Variants in ARSK observed in about 807,000 individuals in gnomAD.
ARSK encodes arylsulfatase family member K.
A neutral mutation model predicts 53.2 loss-of-function variants in ARSK; 37 were observed. The ratio of observed to expected loss-of-function variants is 0.70; its 90% confidence interval spans 0.54 to 0.92. The LOEUF (loss-of-function observed/expected upper bound fraction) is 0.92, where lower values mean the gene tolerates loss of function less well. Ranked by LOEUF, ARSK falls within the 40% of genes least tolerant of loss-of-function variation. ARSK has a pLI of 0.00. For synonymous variants in ARSK, 208 were observed against 223.2 expected, an observed-to-expected ratio of 0.93 and a Z score of 0.61; for missense variants, 613 against 643.0, an observed-to-expected ratio of 0.95 and a Z score of 0.51.
chr5:95,576,361 G>C (rs367552482), intron 3 of ARSK, among the ~76,000 whole-genome samples: 1 of 151,502 alleles, frequency 6.6e-6, no homozygotes, highest in Non-Finnish European at 1.5e-5. Context: ...ACTACACCCG[G>C]CTAATTTTTT....
rs758086279 is a variant in ARSK, at chr5:95,591,580, G to C, written c.1051G>C (p.Val351Leu). 4.5e-5 allele frequency: 73 copies of C among 1,614,166 alleles called. 1 individual carries two copies. The South Asian group carries it at 7.5e-4, about 17-fold the overall frequency. Reference sequence around the variant, plus strand: ...ACCAGGAATTAAAGCCGGCCTACAAGTATCAAATGTGGTTTCTCTTGTGGA... The same window carrying C: ...ACCAGGAATTAAAGCCGGCCTACAACTATCAAATGTGGTTTCTCTTGTGGA... The part of the protein sequence containing the change: ...MGPGIKAGLQ[V>L]SNVVSLVDIY... Residue 351 changes from valine (V) to leucine (L), a missense_variant, in exon 6 of 8, where the codon GTA becomes CTA. By Grantham distance (32) the Val-to-Leu change is conservative. Transcript: ENST00000380009.
At chr5:95,575,827 C>T (rs890587033) in intron 3 of ARSK, among the ~76,000 whole-genome samples, 1 of 152,196 alleles carries the variant, frequency 6.6e-6, no homozygotes, top group African/African-American at 2.4e-5. Context: ...TTTACATCAT[C>T]TGCAAACAAG....
intron 3 of ARSK, among the ~76,000 whole-genome samples, chr5:95,581,875 T>G (rs910310361): frequency 2.0e-5 from 3 of 148,956 alleles, no homozygotes; most frequent in African/African-American, 7.8e-5. Context: ...GAAATTATGG[T>G]TTTTTTATTT....
At position 95,594,369 on chromosome 5, in the gene ARSK, C is replaced by T. The variant is rs186763526; in HGVS notation, c.1096+2744C>T. 4.6e-5 allele frequency among the ~76,000 whole-genome samples: 7 copies of T among 152,076 alleles called. No homozygotes were observed. In the East Asian group the frequency reaches 1.2e-3, roughly 25 times the overall value. ...AAATCTGTAAGAAAAAGAGGAATACCTTATTAACAGATGGATCAAAAGAAA... is the reference window on the plus strand; with the variant it reads ...AAATCTGTAAGAAAAAGAGGAATACTTTATTAACAGATGGATCAAAAGAAA... On this transcript the variant is annotated intron_variant, in intron 6 of 7. Transcript: ENST00000380009.
At chr5:95,590,958 AGAAGAGTTCT>A (rs1466876462) in intron 5 of ARSK, among the ~76,000 whole-genome samples, 2 of 152,206 alleles carry the variant, frequency 1.3e-5, no homozygotes, top group Non-Finnish European at 2.9e-5. Flanking sequence ...GTAGCAGAGA[AGAAGAGTTCT>A]GACTGCTCTT....
At position 95,567,976 on chromosome 5, in the gene ARSK, G is replaced by A; in HGVS notation, c.343G>A (p.Val115Ile). 2 of 1,613,620 alleles carry A rather than the reference G, an allele frequency of 1.2e-6. No individual in the cohort carries two copies. The highest frequency in any genetic ancestry group is 1.7e-6 in the Non-Finnish European group (2 of 1,179,850). The change falls in exon 3 of 8, where the codon GTC (valine) becomes ATC (isoleucine). Residue 115 changes from valine (V) to isoleucine (I), a missense_variant. Val to Ile is a conservative substitution (Grantham distance 29). Transcript: ENST00000380009. Reference protein sequence around the residue: ...LDPNYTTWMDVMERHGYRTQK... With the variant: ...LDPNYTTWMDIMERHGYRTQK... ...TCCAAATTATACAACATGGATGGAT[G>A]TCATGGAGAGGCATGGCTACCGAAC...
chr5:95,569,926 C>G (rs1748796946), intron 3 of ARSK, among the ~76,000 whole-genome samples: 2 of 152,216 alleles, frequency 1.3e-5, no homozygotes, highest in African/African-American at 4.8e-5. Flanking sequence ...ATTCTTTACT[C>G]TGTCTTCTAA....
At chr5:95,597,247 A>G (rs923079903) in intron 6 of ARSK, among the ~76,000 whole-genome samples, 1 of 152,200 alleles carries the variant, frequency 6.6e-6, no homozygotes, top group Admixed American at 6.5e-5. Flanking sequence ...TCTCCACTTA[A>G]AAGATAAGTC....
rs557080694 is a variant in ARSK, at chr5:95,555,464, C to T, written c.126+60C>T. On this transcript the variant is annotated intron_variant, in intron 1 of 7. Coordinates refer to ENST00000380009, the MANE Select transcript of ARSK (RefSeq NM_198150.3). The surrounding 1 kb of genome is among the most constrained non-coding windows in gnomAD (Gnocchi z 4.0). ...TGGGGATCGGCGACCTCACCGCCGC[C>T]GCCTGTGCTGCAGGCTTTGGGGAGC... 30 of 1,538,468 alleles carry T rather than the reference C, an allele frequency of 1.9e-5. No homozygotes were observed. In the Admixed American group the frequency reaches 3.3e-4, roughly 17 times the overall value.
At chr5:95,558,040 A>G (rs1748555605) in intron 1 of ARSK, among the ~76,000 whole-genome samples, 1 of 152,180 alleles carries the variant, frequency 6.6e-6, no homozygotes, top group African/African-American at 2.4e-5. Context: ...CCAAGAAGAT[A>G]GGACTACTCC....
intron 6 of ARSK, among the ~76,000 whole-genome samples, chr5:95,595,754 A>G (rs1749298547): frequency 6.6e-6 from 1 of 152,204 alleles, no homozygotes; most frequent in Admixed American, 6.5e-5. Context: ...TGATGCAATC[A>G]TTCCTATCCC....
intron 1 of ARSK, among the ~76,000 whole-genome samples, chr5:95,562,269 T>C (rs1748649729): frequency 6.6e-6 from 1 of 152,102 alleles, no homozygotes; most frequent in African/African-American, 2.4e-5. Flanking sequence ...CATCTCTGCC[T>C]GGGTCTTAAA....
intron 1 of ARSK, among the ~76,000 whole-genome samples, chr5:95,560,088 T>C (rs1748602078): frequency 6.6e-6 from 1 of 152,144 alleles, no homozygotes; most frequent in South Asian, 2.1e-4. Context: ...TAAAGTAACA[T>C]CAGAATGGAT....
chr5:95,564,995 T>G (rs1044747666), intron 1 of ARSK, among the ~76,000 whole-genome samples: 2 of 152,206 alleles, frequency 1.3e-5, no homozygotes, highest in African/African-American at 4.8e-5. Flanking sequence ...ACAGCCTACT[T>G]TATATCTCTA....
At chr5:95,574,316 G>A (rs931714118) in intron 3 of ARSK, among the ~76,000 whole-genome samples, 1 of 152,198 alleles carries the variant, frequency 6.6e-6, no homozygotes, top group Non-Finnish European at 1.5e-5. Flanking sequence ...ACATGGAAGT[G>A]CAGATATCTC....
At chr5:95,560,802 CTTTTTTTTT>C (rs70978188) in intron 1 of ARSK, among the ~76,000 whole-genome samples, 251 of 108,278 alleles carry the variant, frequency 2.3e-3, no homozygotes, top group Non-Finnish European at 3.4e-3. Flanking sequence ...GGCAAAAGAT[CTTTTTTTTT>C]TTTTTTTTTT....
chr5:95,574,053 G>T (rs940685183), intron 3 of ARSK, among the ~76,000 whole-genome samples: 3 of 151,770 alleles, frequency 2.0e-5, no homozygotes, highest in African/African-American at 7.3e-5. Flanking sequence ...ATTCTGCTTC[G>T]ATTGTTTAAT....
chr5:95,594,022 T>G (rs1349241582), intron 6 of ARSK, among the ~76,000 whole-genome samples: 1 of 152,210 alleles, frequency 6.6e-6, no homozygotes, highest in African/African-American at 2.4e-5. Flanking sequence ...AATTCTAAAC[T>G]GAAAAATTAA....
At chr5:95,569,130 A>G (rs932563946) in intron 3 of ARSK, among the ~76,000 whole-genome samples, 5 of 152,068 alleles carry the variant, frequency 3.3e-5, no homozygotes, top group African/African-American at 1.2e-4. Flanking sequence ...AATTCCTCCT[A>G]CTGAACTTCG....
Sources: allele counts gnomAD v4.1 joint callset (sites outside exome capture counted in the v4.1 genomes callset), GRCh38; gene constraint gnomAD v4.1.1; non-coding constraint Gnocchi (gnomAD v3.1); transcripts MANE v1.5; gene names NCBI Gene and HGNC (gene_info 2026-07-23, HGNC 2026-07-21).